Variants in CLCN4 observed in about 807,000 individuals in gnomAD.
The protein encoded by CLCN4 is Cl-/H+ antiporter 4, also known as H(+)/Cl(-) exchange transporter 4.
In CLCN4, 1 loss-of-function variant was observed where a neutral mutation model predicts 41.7. The observed-to-expected ratio is 0.02, with a 90% confidence interval of 0.01 to 0.11. The LOEUF is 0.11. Among genes scored for constraint, CLCN4 ranks in the 10% least tolerant of loss-of-function variants. The probability of loss-of-function intolerance (pLI) is 1.00; values close to 1 mark genes in which losing one functional copy is unlikely to be tolerated. For synonymous variants in CLCN4, 277 were observed against 285.8 expected (o/e 0.97, Z 0.31); for missense variants, 287 against 661.0 (o/e 0.43, Z 6.20).
chrX:10,178,827 A>C (rs976763819), intron 2 of CLCN4, among the ~76,000 whole-genome samples: 15 of 112,037 alleles, frequency 1.3e-4, no homozygotes, highest in African/African-American at 4.9e-4. Context: ...GTAAAAAAAC[A>C]AACAAAAAAC....
chrX:10,169,891 C>T (rs776270485), intron 2 of CLCN4, among the ~76,000 whole-genome samples: 2 of 107,169 alleles, frequency 1.9e-5, no homozygotes, highest in South Asian at 4.2e-4. Flanking sequence ...TGGATTCAAG[C>T]GATTCTCCTG....
intron 2 of CLCN4, among the ~76,000 whole-genome samples, chrX:10,181,433 C>T (rs761414635): frequency 9.0e-6 from 1 of 111,327 alleles, no homozygotes; most frequent in South Asian, 3.9e-4. Context: ...AGAAGATGCC[C>T]CAACTGTGTC....
At chrX:10,213,531 T>TCCAGAGGCCCAGTGTAGGG in intron 10 of CLCN4, 150 bp from the exon 11 acceptor site, 1 of 528,956 alleles carries the variant, frequency 1.9e-6, no homozygotes, top group Non-Finnish European at 3.1e-6. Context: ...TGGCCTGGGT[T>TCCAGAGGCCCAGTGTAGGG]CCAGAGGCCC....
At chrX:10,225,650 G>A (rs1274804784) in intron 12 of CLCN4, among the ~76,000 whole-genome samples, 7 of 111,939 alleles carry the variant, frequency 6.3e-5, no homozygotes, top group Non-Finnish European at 9.4e-5. Context: ...TGAGGTTTTC[G>A]TTATGAAATC....
chrX:10,163,118 T>C (rs189471326), intron 2 of CLCN4, among the ~76,000 whole-genome samples: 1,761 of 113,691 alleles, frequency 0.015, 49 homozygotes, highest in African/African-American at 0.052. Flanking sequence ...CCCCATCACA[T>C]GGGCCAGAGG....
chrX:10,190,296 A>G (rs1215662248), intron 4 of CLCN4, among the ~76,000 whole-genome samples: 2 of 112,245 alleles, frequency 1.8e-5, no homozygotes, highest in Admixed American at 9.5e-5. Flanking sequence ...GGTTTTTGCC[A>G]TTAAAATAAC....
intron 12 of CLCN4, among the ~76,000 whole-genome samples, chrX:10,224,554 G>A (rs1047773097): frequency 9.1e-6 from 1 of 110,089 alleles, no homozygotes; most frequent in East Asian, 2.8e-4. Flanking sequence ...ACCCAAGGCA[G>A]GCGCTCCGGG....
intron 2 of CLCN4, among the ~76,000 whole-genome samples, chrX:10,176,646 C>G (rs924981955): frequency 8.9e-6 from 1 of 111,908 alleles, no homozygotes; most frequent in African/African-American, 3.3e-5. Context: ...CGGGACTTGC[C>G]TCTAGGGTGG....
intron 12 of CLCN4, among the ~76,000 whole-genome samples, chrX:10,231,842 GT>G (rs1472227944): frequency 1.8e-5 from 2 of 111,805 alleles, no homozygotes; most frequent in African/African-American, 6.5e-5. Flanking sequence ...TGAATTTTCT[GT>G]TTTCCAGCAA....
In CLCN4 at chrX:10,213,598, CCTGT is replaced by C. The variant is rs1924626147; in HGVS notation, c.1577-77_1577-74del. On this transcript the variant is annotated intron_variant, in intron 10 of 12. Transcript: ENST00000380833. ...GAACAGGTGTGAGGGGAATTTACAG[CCTGT>C]CTGTCATTTTCCCCAAATCATGCTT... 8.9e-6 allele frequency: 8 copies of C among 898,358 alleles called. No individual in the cohort carries two copies. In the East Asian group the frequency reaches 1.2e-4, roughly 14 times the overall value. 74.0% of individuals were successfully genotyped at this position (898,358 alleles called of 1,213,427 possible). A position where few individuals can be genotyped will look rare whatever the true frequency, so the allele number is the denominator to read the frequency against.
chrX:10,224,884 C>T (rs1471565663), intron 12 of CLCN4, among the ~76,000 whole-genome samples: 1 of 111,892 alleles, frequency 8.9e-6, no homozygotes, highest in Non-Finnish European at 1.9e-5. Flanking sequence ...AGGATAATGG[C>T]TTCCAGCTCC....
intron 2 of CLCN4, among the ~76,000 whole-genome samples, chrX:10,164,646 G>A (rs1025143117): frequency 4.5e-5 from 5 of 111,748 alleles, no homozygotes; most frequent in Non-Finnish European, 9.4e-5. Context: ...CAGCAATGTT[G>A]TCCTAGGTGC....
At chrX:10,205,297 C>A (rs1441523013) in intron 6 of CLCN4, among the ~76,000 whole-genome samples, 1 of 109,652 alleles carries the variant, frequency 9.1e-6, no homozygotes, top group Non-Finnish European at 1.9e-5. Context: ...CAGGGTGAAA[C>A]CCCATCTCTA....
chrX:10,180,585 T>C (rs1204180783), intron 2 of CLCN4, among the ~76,000 whole-genome samples: 1 of 109,270 alleles, frequency 9.2e-6, no homozygotes, highest in Non-Finnish European at 1.9e-5. Flanking sequence ...CTGACCAACA[T>C]GGAGAAACAC....
At chrX:10,217,268 G>A (rs1924749796) in intron 11 of CLCN4, among the ~76,000 whole-genome samples, 1 of 109,683 alleles carries the variant, frequency 9.1e-6, no homozygotes, top group Non-Finnish European at 1.9e-5. Flanking sequence ...GCCTGGCTAA[G>A]CATTTTTAAT....
chrX:10,204,613 CTTTTT>C (rs61453535), intron 6 of CLCN4, among the ~76,000 whole-genome samples: 17 of 27,346 alleles, frequency 6.2e-4, no homozygotes, highest in East Asian at 3.2e-3. Flanking sequence ...AGCTAGTAGT[CTTTTT>C]TTTTTTTTTT....
At chrX:10,199,147 T>C (rs930319223) in intron 6 of CLCN4, among the ~76,000 whole-genome samples, 15 of 112,724 alleles carry the variant, frequency 1.3e-4, no homozygotes, top group African/African-American at 4.2e-4. Context: ...AAAAATAAGC[T>C]GTATTACCAA....
chrX:10,164,127 C>T (rs2147156944), intron 2 of CLCN4, among the ~76,000 whole-genome samples: 1 of 112,161 alleles, frequency 8.9e-6, no homozygotes, highest in East Asian at 2.8e-4. Context: ...CAGCACTGGA[C>T]TCCAAACGCT....
intron 3 of CLCN4, 77 bp from the exon 4 acceptor site, chrX:10,187,438 C>G: frequency 1.4e-6 from 1 of 733,807 alleles, no homozygotes. Flanking sequence ...CCCTGTTTCC[C>G]GAGGAAACAG....
Sources: allele counts gnomAD v4.1 joint callset (sites outside exome capture counted in the v4.1 genomes callset), GRCh38; gene constraint gnomAD v4.1.1; transcripts MANE v1.5; gene names NCBI Gene and HGNC (gene_info 2026-07-23, HGNC 2026-07-21).